Variants in FAF1 observed in about 807,000 individuals in gnomAD.
The protein encoded by FAF1 is Fas associated factor 1.
Under a neutral mutation model 92.5 loss-of-function variants are expected in FAF1, and 25 were observed. That is an observed-to-expected ratio of 0.27 (90% confidence interval 0.20 to 0.38). The LOEUF (loss-of-function observed/expected upper bound fraction) is 0.38, where lower values mean the gene tolerates loss of function less well. FAF1 is among the 10% of genes least tolerant of loss of function. The pLI, the probability that FAF1 is intolerant of heterozygous loss-of-function variation, is 1.00. For missense variants in FAF1, 636 were observed against 793.3 expected, an observed-to-expected ratio of 0.80 and a Z score of 2.38; for synonymous variants, 234 against 273.2, an observed-to-expected ratio of 0.86 and a Z score of 1.42.
At chr1:50,821,672 A>C (rs1644044203) in intron 2 of FAF1, among the ~76,000 whole-genome samples, 1 of 152,206 alleles carries the variant, frequency 6.6e-6, no homozygotes, top group Admixed American at 6.5e-5. Context: ...GAAGTGGATA[A>C]CAATACCTGT....
intron 6 of FAF1, among the ~76,000 whole-genome samples, chr1:50,719,144 G>T (rs148680930): frequency 9.2e-5 from 14 of 152,226 alleles, no homozygotes; most frequent in African/African-American, 3.4e-4. Context: ...ATTGTCTCAG[G>T]AACAGCATAA....
intron 17 of FAF1, among the ~76,000 whole-genome samples, chr1:50,482,536 G>A (rs1429695890): frequency 2.0e-5 from 3 of 152,080 alleles, no homozygotes; most frequent in Admixed American, 1.3e-4. Context: ...TGTGACTGCC[G>A]GGTCATATGG....
chr1:50,833,163 C>A (rs542174144), intron 2 of FAF1, among the ~76,000 whole-genome samples: 1 of 152,236 alleles, frequency 6.6e-6, no homozygotes, highest in South Asian at 2.1e-4. Context: ...TAAAAGTCCA[C>A]AAGATTGCCC....
In FAF1 at chr1:50,796,163, T is replaced by C. The variant is rs1661742916; in HGVS notation, c.161+5468A>G. Reference sequence around the variant, plus strand: ...AAGAAGAAACTCACAGTATCAACTATGGCCTTATGACCAGTAACAGAAACA... The same window carrying C: ...AAGAAGAAACTCACAGTATCAACTACGGCCTTATGACCAGTAACAGAAACA... On this transcript the variant is annotated intron_variant, in intron 3 of 18. Coordinates refer to ENST00000396153, the MANE Select transcript of FAF1 (RefSeq NM_007051.3). Among the ~76,000 whole-genome samples, 4 of 152,130 alleles carry C rather than the reference T, an allele frequency of 2.6e-5. No individual in the cohort carries two copies. In the South Asian group the frequency reaches 8.3e-4, roughly 32 times the overall value.
rs77537035 is a variant in FAF1, at chr1:50,860,298, T to G, written c.46-2301A>C. On this transcript the variant is annotated intron_variant, in intron 1 of 18. Transcript: ENST00000396153. ...AGAGCTTCTGCACAGCAAAAGAAACTATCAACAGGGTAAACATACAACCTA... is the reference window on the plus strand; with the variant it reads ...AGAGCTTCTGCACAGCAAAAGAAACGATCAACAGGGTAAACATACAACCTA... Among the ~76,000 whole-genome samples, 1,288 of 152,026 alleles carry G rather than the reference T, an allele frequency of 8.5e-3. 18 individuals carry two copies. The highest frequency in any genetic ancestry group is 0.029 in the African/African-American group (1,192 of 41,512).
chr1:50,636,308 T>C (rs1419838609), intron 8 of FAF1, among the ~76,000 whole-genome samples: 2 of 151,932 alleles, frequency 1.3e-5, no homozygotes, highest in Non-Finnish European at 2.9e-5. Context: ...TTGTGTTTTC[T>C]AGTCAACTAC....
intron 18 of FAF1, among the ~76,000 whole-genome samples, chr1:50,453,832 C>T (rs1646322290): frequency 6.6e-6 from 1 of 152,312 alleles, no homozygotes; most frequent in Admixed American, 6.5e-5. Flanking sequence ...TATTCCCTAT[C>T]AGTTTAGTTG....
chr1:50,568,838 A>T (rs914066804), intron 12 of FAF1, among the ~76,000 whole-genome samples: 1 of 152,176 alleles, frequency 6.6e-6, no homozygotes, highest in Non-Finnish European at 1.5e-5. Flanking sequence ...TAACATGAAG[A>T]TGCCAGACTG....
At chr1:50,846,374 C>T (rs1644299543) in intron 2 of FAF1, 1 of 322,812 alleles carries the variant, frequency 3.1e-6, no homozygotes. Flanking sequence ...ACGTCAGGCC[C>T]GGCCACCTCC....
chr1:50,587,935 G>C (rs1012406027), intron 9 of FAF1, among the ~76,000 whole-genome samples: 1 of 152,166 alleles, frequency 6.6e-6, no homozygotes, highest in African/African-American at 2.4e-5. Flanking sequence ...AATTGAAATA[G>C]ATGTTCCTTT....
At chr1:50,708,881 A>G (rs1368448872) in intron 6 of FAF1, among the ~76,000 whole-genome samples, 1 of 152,230 alleles carries the variant, frequency 6.6e-6, no homozygotes, top group Non-Finnish European at 1.5e-5. Context: ...TGGGAAGGGC[A>G]GAAAAATGAC....
At chr1:50,957,035 TGA>T (rs1011584192) in intron 1 of FAF1, among the ~76,000 whole-genome samples, 14 of 152,240 alleles carry the variant, frequency 9.2e-5, no homozygotes, top group African/African-American at 3.4e-4. Context: ...CTATAAAAAT[TGA>T]GATAATATAA....
intron 1 of FAF1, among the ~76,000 whole-genome samples, chr1:50,910,973 A>G (rs970009767): frequency 2.6e-5 from 4 of 152,122 alleles, no homozygotes; most frequent in Non-Finnish European, 5.9e-5. Context: ...ACTGGGAGCT[A>G]CAGACTGGAG....
At chr1:50,940,770 A>C (rs530902074) in intron 1 of FAF1, among the ~76,000 whole-genome samples, 1 of 152,344 alleles carries the variant, frequency 6.6e-6, no homozygotes, top group African/African-American at 2.4e-5. Context: ...AGTGACGTAA[A>C]AATACTAGTA....
chr1:50,790,687 C>T (rs1661531727), intron 3 of FAF1, among the ~76,000 whole-genome samples: 1 of 151,650 alleles, frequency 6.6e-6, no homozygotes, highest in African/African-American at 2.4e-5. Context: ...GTATCTTCCA[C>T]GACCACTAGA....
At chr1:50,524,510 A>G (rs1647690219) in intron 15 of FAF1, among the ~76,000 whole-genome samples, 1 of 152,128 alleles carries the variant, frequency 6.6e-6, no homozygotes, top group South Asian at 2.1e-4. Flanking sequence ...GGGTTTTTAT[A>G]GTTTTGGGTT....
chr1:50,765,961 G>A (rs896466837), intron 4 of FAF1, among the ~76,000 whole-genome samples: 9 of 152,006 alleles, frequency 5.9e-5, no homozygotes, highest in African/African-American at 1.7e-4. Context: ...GCGTGGTAGC[G>A]GGTGCCTGTA....
chr1:50,858,855 T>C (rs1051801586), intron 1 of FAF1, among the ~76,000 whole-genome samples: 1 of 151,870 alleles, frequency 6.6e-6, no homozygotes, highest in Non-Finnish European at 1.5e-5. Flanking sequence ...TCAGCCATTC[T>C]CTGGTGACCC....
intron 2 of FAF1, among the ~76,000 whole-genome samples, chr1:50,848,673 T>TA (rs1436151645): frequency 3.3e-5 from 5 of 152,032 alleles, no homozygotes; most frequent in African/African-American, 1.2e-4. Flanking sequence ...CTATGAAAAA[T>TA]AAAAAATCAC....
Sources: allele counts gnomAD v4.1 joint callset (sites outside exome capture counted in the v4.1 genomes callset), GRCh38; gene constraint gnomAD v4.1.1; transcripts MANE v1.5; gene names NCBI Gene and HGNC (gene_info 2026-07-23, HGNC 2026-07-21).